SCAPER: variants seen among roughly 807,000 people sequenced by gnomAD.
The protein encoded by SCAPER is S phase cyclin A-associated protein in the endoplasmic reticulum.
Under a neutral mutation model 182.2 loss-of-function variants are expected in SCAPER, and 98 were observed. The observed-to-expected ratio is 0.54, with a 90% CI of 0.46 to 0.64. The LOEUF is 0.64. Among genes scored for constraint, SCAPER ranks in the 30% least tolerant of loss-of-function variants. SCAPER has a pLI of 0.00. For synonymous variants in SCAPER, 605 were observed against 564.6 expected (o/e 1.07, Z -1.01); for missense variants, 1,432 against 1,690.0 (o/e 0.85, Z 2.68).
intron 5 of SCAPER, among the ~76,000 whole-genome samples, chr15:76,837,398 T>C (rs2069052694): frequency 6.6e-6 from 1 of 152,106 alleles, no homozygotes; most frequent in South Asian, 2.1e-4. Flanking sequence ...TCAGAAAACT[T>C]ATGATCATGG....
At chr15:76,886,316 C>T (rs930628042) in intron 1 of SCAPER, among the ~76,000 whole-genome samples, 1 of 151,948 alleles carries the variant, frequency 6.6e-6, no homozygotes, top group East Asian at 1.9e-4. Context: ...CCTGCCTCTA[C>T]TAAAAATACA....
chr15:76,589,203 G>A (rs1451677391), intron 22 of SCAPER, among the ~76,000 whole-genome samples: 1 of 152,148 alleles, frequency 6.6e-6, no homozygotes, highest in Non-Finnish European at 1.5e-5. Context: ...TCTCCTGCCA[G>A]GAGGTGGCAT....
At chr15:76,585,733 CCT>C (rs769067804) in intron 22 of SCAPER, among the ~76,000 whole-genome samples, 6 of 152,052 alleles carry the variant, frequency 3.9e-5, no homozygotes, top group Non-Finnish European at 4.4e-5. Context: ...GAGCTACACC[CCT>C]GTCTCATTCC....
intron 25 of SCAPER, among the ~76,000 whole-genome samples, chr15:76,453,277 TCA>T (rs1270300019): frequency 6.6e-6 from 1 of 152,222 alleles, no homozygotes; most frequent in Admixed American, 6.5e-5. Context: ...TGATTCTTTG[TCA>T]CCATCTAAAC....
At chr15:76,577,349 A>T (rs972685576) in intron 22 of SCAPER, among the ~76,000 whole-genome samples, 2 of 152,188 alleles carry the variant, frequency 1.3e-5, no homozygotes. Flanking sequence ...CAGGAGGCTG[A>T]GGAGGCAGGA....
At chr15:76,447,709 C>A (rs2048094714) in intron 25 of SCAPER, among the ~76,000 whole-genome samples, 1 of 152,162 alleles carries the variant, frequency 6.6e-6, no homozygotes, top group Non-Finnish European at 1.5e-5. Context: ...ATTATCTGAA[C>A]TACAAAACAC....
At chr15:76,496,428 T>C (rs1039965078) in intron 24 of SCAPER, among the ~76,000 whole-genome samples, 4 of 152,076 alleles carry the variant, frequency 2.6e-5, no homozygotes, top group African/African-American at 9.7e-5. Flanking sequence ...CATTTGAGAG[T>C]TATAAAGAAT....
At chr15:76,683,778 T>C (rs2057872133) in intron 20 of SCAPER, among the ~76,000 whole-genome samples, 1 of 151,822 alleles carries the variant, frequency 6.6e-6, no homozygotes, top group East Asian at 1.9e-4. Flanking sequence ...TCAGCATTCT[T>C]AAAGAAAAAG....
chr15:76,522,047 T>G (rs1295984731), intron 23 of SCAPER, among the ~76,000 whole-genome samples: 2 of 152,192 alleles, frequency 1.3e-5, no homozygotes, highest in Non-Finnish European at 2.9e-5. Flanking sequence ...AAGAATTTAG[T>G]GTAAATTACA....
intron 20 of SCAPER, among the ~76,000 whole-genome samples, chr15:76,691,512 C>A (rs538640353): frequency 6.6e-6 from 1 of 151,808 alleles, no homozygotes; most frequent in Non-Finnish European, 1.5e-5. Flanking sequence ...AGAAATATGG[C>A]AATTTTGAAA....
At chr15:76,832,490 A>C (rs1166368211) in intron 5 of SCAPER, among the ~76,000 whole-genome samples, 1 of 152,252 alleles carries the variant, frequency 6.6e-6, no homozygotes, top group African/African-American at 2.4e-5. Context: ...AAAGAGAACA[A>C]ACCTCTAACA....
chr15:76,704,449 G>A (rs900727789), intron 18 of SCAPER, among the ~76,000 whole-genome samples: 15 of 152,286 alleles, frequency 9.8e-5, no homozygotes, highest in East Asian at 5.8e-4. Flanking sequence ...GGTTTTTACC[G>A]TTTTAGGTCT....
At chr15:76,531,168 T>G (rs1026250077) in intron 23 of SCAPER, among the ~76,000 whole-genome samples, 3 of 152,142 alleles carry the variant, frequency 2.0e-5, no homozygotes. Context: ...AGAATACTGG[T>G]ACTTCTTATG....
rs142461932 is a variant in SCAPER, at chr15:76,775,055, T to C, written c.835A>G (p.Thr279Ala). 2,431 of 1,613,840 alleles carry C rather than the reference T, an allele frequency of 1.5e-3. 9 individuals carry two copies. Among genetic ancestry groups the C allele is most frequent in the Middle Eastern group, 2.8e-3 (17 of 6,058 alleles). The change falls in exon 9 of 32, where the codon ACA (threonine) becomes GCA (alanine). Residue 279 changes from threonine to alanine, a missense_variant. By Grantham distance (58) the Thr-to-Ala change is moderately conservative. Around this residue, in one of 5 missense-constraint regions of SCAPER, gnomAD observed 480 missense variants for 510.2 expected, o/e 0.94. Transcript: ENST00000563290. The part of the protein sequence containing the change: ...QRGRPIRSRS[T>A]AVMPKVSLAT... ...AATGAAACTTTTGGCATCACTGCTGTTGATCGAGAACGAATAGGCCTTCCT... is the reference window on the plus strand; with the variant it reads ...AATGAAACTTTTGGCATCACTGCTGCTGATCGAGAACGAATAGGCCTTCCT...
At chr15:76,505,780 A>G (rs764317308) in intron 23 of SCAPER, among the ~76,000 whole-genome samples, 1 of 152,206 alleles carries the variant, frequency 6.6e-6, no homozygotes, top group African/African-American at 2.4e-5. Context: ...TATCTAAGAG[A>G]TATCTGCTCT....
chr15:76,535,696 A>G (rs888409246), intron 23 of SCAPER, among the ~76,000 whole-genome samples: 3 of 152,130 alleles, frequency 2.0e-5, no homozygotes, highest in Admixed American at 2.0e-4. Context: ...AAATGCACCA[A>G]GATTTCACTA....
chr15:76,652,365 C>CATAT (rs2055197860), intron 21 of SCAPER, among the ~76,000 whole-genome samples: 1 of 27,634 alleles, frequency 3.6e-5, no homozygotes. Context: ...CACACACACA[C>CATAT]ACACACATAT....
intron 1 of SCAPER, among the ~76,000 whole-genome samples, chr15:76,900,461 C>CA (rs1321629188): frequency 6.7e-6 from 1 of 150,328 alleles, no homozygotes; most frequent in East Asian, 1.9e-4. Flanking sequence ...CTCAGGGCTG[C>CA]AAAAAAACAG....
intron 25 of SCAPER, among the ~76,000 whole-genome samples, chr15:76,436,489 C>A (rs284887): frequency 1.3e-5 from 2 of 152,144 alleles, no homozygotes; most frequent in Non-Finnish European, 2.9e-5. Flanking sequence ...GGTCCTATTA[C>A]TTTTTTTGTT....
Sources: gnomAD v4.1 joint callset for allele counts (sites outside exome capture counted in the v4.1 genomes callset) on GRCh38, gnomAD v4.1.1 for gene constraint, gnomAD v4.1.1 regional missense constraint, MANE v1.5 for transcripts, NCBI Gene and HGNC (gene_info 2026-07-23, HGNC 2026-07-21) for gene names.